The following GBP3 variants were observed in gnomAD, a reference collection of about 807,000 sequenced individuals.
GBP3 encodes guanylate-binding protein 3.
In GBP3, 55 loss-of-function variants were observed where a neutral mutation model predicts 62.4. The ratio of observed to expected loss-of-function variants is 0.88; its 90% confidence interval spans 0.71 to 1.10. The LOEUF (loss-of-function observed/expected upper bound fraction) is 1.10, where lower values mean the gene tolerates loss of function less well. Among genes scored for constraint, GBP3 ranks in the 50% least tolerant of loss-of-function variants. The probability of loss-of-function intolerance (pLI) is 0.00; values close to 1 mark genes in which losing one functional copy is unlikely to be tolerated. For missense variants in GBP3, 605 were observed against 690.6 expected (o/e 0.88, Z 1.39); for synonymous variants, 208 against 259.2 (o/e 0.80, Z 1.90).
Position 89,014,506 on chromosome 1 carries a change from C to T in GBP3, c.428+41G>A, listed in dbSNP as rs779205797. ...GCAGCTGGTTTATGAATACAGGTGT[C>T]CCCTCTGACCTTGGTGCTGTTCTGG... On this transcript the variant is annotated intron_variant, in intron 4 of 10. Transcript: ENST00000370481. 1.9e-6 allele frequency: 3 copies of T among 1,613,854 alleles called. No individual in the cohort carries two copies. The African/African-American group carries it at 4.0e-5, about 22-fold the overall frequency.
intron 10 of GBP3, among the ~76,000 whole-genome samples, chr1:89,008,536 C>T (rs1678365519): frequency 6.7e-6 from 1 of 148,790 alleles, no homozygotes; most frequent in Non-Finnish European, 1.5e-5. Flanking sequence ...ATGGATTCCA[C>T]TAAGTGATGA....
rs769002103 is a variant in GBP3 at position 89,015,346 on chromosome 1, T to G, written c.259A>C (p.Lys87Gln). ...GIWMWCVPHP[K>Q]KPEHTLVLLD... ...AGGACTAAGGTGTGTTCTGGCTTTT[T>G]GGGGTGAGGCACACACCACATCCAG... is the stretch of plus-strand genomic sequence containing the variant. The change falls in exon 3 of 11, where the codon AAA (lysine) becomes CAA (glutamine). Residue 87 changes from lysine (K) to glutamine (Q), a missense_variant. By Grantham distance (53) the Lys-to-Gln change is moderately conservative. This residue lies in a region of GBP3 where 308 missense variants were observed against 318.0 expected (regional missense o/e 0.97). Transcript: ENST00000370481. The G allele has an allele frequency of 9.9e-6, 16 of 1,613,512 alleles. No homozygotes were observed. In the Admixed American group the frequency reaches 1.5e-4, roughly 15 times the overall value.
At chr1:89,009,568 A>C in intron 8 of GBP3, 74 bp from the exon 9 acceptor site, 2 of 1,589,612 alleles carry the variant, frequency 1.3e-6, no homozygotes, top group Non-Finnish European at 1.7e-6. Flanking sequence ...TCTGCCCACC[A>C]TCTTTTCTTC....
rs144550614 is a variant in GBP3 at position 89,006,726 on chromosome 1, T to G, written c.*998A>C. On this transcript the variant is annotated 3_prime_UTR_variant, in exon 11 of 11. Transcript: ENST00000370481. ...TTTCTAGTTCAAAAATAATCTGTAA[T>G]TGCTGTAAGAAATGTCAACCACTTA... The G allele has an allele frequency of 6.5e-3, 992 of 152,308 alleles. 11 individuals carry two copies. Among genetic ancestry groups the G allele is most frequent in the African/African-American group, 0.023 (938 of 41,572 alleles). 9.4% of individuals were successfully genotyped at this position (152,308 alleles called of 1,614,324 possible).
intron 3 of GBP3, 42 bp from the exon 4 acceptor site, chr1:89,014,698 A>G: frequency 6.2e-7 from 1 of 1,612,328 alleles, no homozygotes. Context: ...AAGTTTCATC[A>G]TCACAGCACT....
rs1679135014 is a variant in GBP3, at chr1:89,020,600, A to G, written c.122T>C (p.Val41Ala). Reference sequence around the variant, plus strand: ...TGTGCGGTAGAGGCCCACAATTGCCACCACCACCACAGGCTGTGTAATGGC... The same window carrying G: ...TGTGCGGTAGAGGCCCACAATTGCCGCCACCACCACAGGCTGTGTAATGGC... ...LSAITQPVVV[V>A]AIVGLYRTGK... Residue 41 changes from valine (V) to alanine (A), a missense_variant, in exon 2 of 11, where the codon GTG (valine) becomes GCG (alanine). Coordinates refer to ENST00000370481, the MANE Select transcript of GBP3 (RefSeq NM_018284.3). 1.2e-6 allele frequency: 2 copies of G among 1,613,966 alleles called. No homozygotes were observed. Among genetic ancestry groups the G allele is most frequent in the Non-Finnish European group, 1.7e-6 (2 of 1,179,994 alleles).
chr1:89,021,980 A>C (rs1557735187), intron 1 of GBP3, among the ~76,000 whole-genome samples: 1 of 151,700 alleles, frequency 6.6e-6, no homozygotes, highest in Non-Finnish European at 1.5e-5. Flanking sequence ...CGGCTTTAGT[A>C]GTGATGCATT....
At chr1:89,012,884 C>T (rs1678645234) in intron 6 of GBP3, among the ~76,000 whole-genome samples, 1 of 139,518 alleles carries the variant, frequency 7.2e-6, no homozygotes. Flanking sequence ...GTCACCCAGG[C>T]TGGAGTGCAG....
At chr1:89,021,940 C>T (rs922758330) in intron 1 of GBP3, among the ~76,000 whole-genome samples, 3 of 151,076 alleles carry the variant, frequency 2.0e-5, no homozygotes, top group Non-Finnish European at 4.4e-5. Flanking sequence ...CGTCTGAGTG[C>T]GTGGGAGAGG....
In GBP3 at chr1:89,014,121, G is replaced by T; in HGVS notation, c.587C>A (p.Pro196Gln). Residue 196 changes from proline (P) to glutamine (Q), a missense_variant, in exon 5 of 11, where the codon CCA becomes CAA. Around this residue, in one of 3 missense-constraint regions of GBP3, gnomAD observed 308 missense variants for 318.0 expected, o/e 0.97. Transcript: ENST00000370481. ...CAGGGAATACTCCAGGTACTCATCT[G>T]GTGTGAGGGGTTGTCCATCTGCTTC... is the stretch of plus-strand genomic sequence containing the variant. ...DLEADGQPLT[P>Q]DEYLEYSLKL... is the part of the protein sequence containing the mutation. The T allele has an allele frequency of 6.2e-7, 1 of 1,614,170 alleles. No homozygotes were observed. The highest frequency in any genetic ancestry group is 8.5e-7 in the Non-Finnish European group (1 of 1,180,024).
At chr1:89,014,729 A>T (rs1189981377) in intron 3 of GBP3, 73 bp from the exon 4 acceptor site, 1 of 1,578,422 alleles carries the variant, frequency 6.3e-7, no homozygotes, top group African/African-American at 1.4e-5. Flanking sequence ...ACAGTAGTAA[A>T]AGTATATCAT....
chr1:89,020,523 G>C lies in GBP3; in HGVS notation c.190+9C>G. 3 of 1,614,084 alleles carry C rather than the reference G, an allele frequency of 1.9e-6. No homozygotes were observed. The highest frequency in any genetic ancestry group is 2.5e-6 in the Non-Finnish European group (3 of 1,179,964). ...AGGGACTTGGCAGAGCTTTGCTCAT[G>C]CCACTCACCCTTATTCTTCCCAGCT... On this transcript the variant is annotated intron_variant, in intron 2 of 10. Transcript: ENST00000370481.
intron 8 of GBP3, among the ~76,000 whole-genome samples, chr1:89,010,505 C>T (rs906362929): frequency 7.4e-6 from 1 of 135,856 alleles, no homozygotes; most frequent in South Asian, 2.5e-4. Flanking sequence ...CTGAACCTCC[C>T]GGGCTCAAGC....
chr1:89,008,372 A>G (rs893122298), intron 10 of GBP3, among the ~76,000 whole-genome samples: 1 of 150,828 alleles, frequency 6.6e-6, no homozygotes, highest in Non-Finnish European at 1.5e-5. Flanking sequence ...ATTTCTGCAC[A>G]TAGCTCCCAA....
chr1:89,013,042 G>A (rs188750223), intron 6 of GBP3, 143 bp downstream of exon 6: 2 of 817,868 alleles, frequency 2.4e-6, no homozygotes, highest in East Asian at 2.5e-5. Flanking sequence ...TTTGCCATGT[G>A]GGCTAGGTTG....
intron 1 of GBP3, among the ~76,000 whole-genome samples, chr1:89,021,472 A>G (rs1399148319): frequency 6.6e-6 from 1 of 150,474 alleles, no homozygotes; most frequent in Non-Finnish European, 1.5e-5. Flanking sequence ...AAAACTGCCA[A>G]TACTGAATGT....
chr1:89,021,055 G>T (rs1455877014), intron 1 of GBP3, among the ~76,000 whole-genome samples: 2 of 151,994 alleles, frequency 1.3e-5, no homozygotes, highest in Non-Finnish European at 2.9e-5. Context: ...AGGATATAGA[G>T]AATTTTTTTT....
In GBP3 at chr1:89,010,469, G is replaced by C. The variant is rs142357704; in HGVS notation, c.1362+435C>G. On this transcript the variant is annotated intron_variant, in intron 8 of 10. Coordinates refer to ENST00000370481, the MANE Select transcript of GBP3 (RefSeq NM_018284.3). ...GGGTCTGGCTCTGTTGCCCAGGCCA[G>C]AGTGCTGAGGTGCAATCTTGGCTCA... 7.5e-3 allele frequency among the ~76,000 whole-genome samples: 1,035 copies of C among 137,872 alleles called. 219 individuals carry two copies. The highest frequency in any genetic ancestry group is 0.012 in the Non-Finnish European group (718 of 59,776). 90.4% of individuals were successfully genotyped at this position (137,872 alleles called of 152,430 possible). A position where few individuals can be genotyped will look rare whatever the true frequency, so the allele number is the denominator to read the frequency against.
rs892496829 is a variant in GBP3, at chr1:89,013,242, T to C, written c.811A>G (p.Ile271Val). 14 of 1,614,190 alleles carry C rather than the reference T, an allele frequency of 8.7e-6. No homozygotes were observed. The highest frequency in any genetic ancestry group is 2.7e-5 in the African/African-American group (2 of 75,056). ...VQQVADFCSY[I>V]FSNSKTKTLS... is the part of the protein sequence containing the mutation. ...GTTTTAGTTTTGGAATTGCTAAAGA[T>C]GTAGGAACAGAAGTCTGCTACTTGT... Residue 271 changes from isoleucine to valine, a missense_variant, in exon 6 of 11, where the codon ATC becomes GTC. Physicochemically the swap from Ile to Val is conservative, Grantham distance 29 (BLOSUM62 3). This residue lies in a region of GBP3 where 308 missense variants were observed against 318.0 expected (regional missense o/e 0.97). Coordinates refer to ENST00000370481, the MANE Select transcript of GBP3 (RefSeq NM_018284.3).
Sources: allele counts gnomAD v4.1 joint callset (sites outside exome capture counted in the v4.1 genomes callset), GRCh38; gene constraint gnomAD v4.1.1; regional missense constraint gnomAD v4.1.1; transcripts MANE v1.5; gene names NCBI Gene and HGNC (gene_info 2026-07-23, HGNC 2026-07-21).